SVIL: variants seen among roughly 807,000 people sequenced by gnomAD.
SVIL encodes archvillin.
A neutral mutation model predicts 240.4 loss-of-function variants in SVIL; 101 were observed. The observed-to-expected ratio is 0.42, with a 90% CI of 0.36 to 0.50. SVIL has a LOEUF of 0.50. SVIL is among the 20% of genes least tolerant of loss of function. The pLI, the probability that SVIL is intolerant of heterozygous loss-of-function variation, is 0.01. For synonymous variants in SVIL, 999 were observed against 1,100.0 expected (o/e 0.91, Z 1.82); for missense variants, 2,512 against 2,818.7 (o/e 0.89, Z 2.46).
intron 1 of SVIL, among the ~76,000 whole-genome samples, chr10:29,631,290 C>G (rs141613435): frequency 2.0e-5 from 3 of 152,216 alleles, no homozygotes; most frequent in African/African-American, 7.2e-5. Flanking sequence ...CTAGACCAGA[C>G]GGAGGAGAAA....
intron 1 of SVIL, among the ~76,000 whole-genome samples, chr10:29,606,164 G>A (rs978192505): frequency 3.9e-5 from 6 of 152,164 alleles, no homozygotes; most frequent in African/African-American, 1.4e-4. Flanking sequence ...ACCTGCCTTG[G>A]CCCCTAAGTG....
intron 1 of SVIL, among the ~76,000 whole-genome samples, chr10:29,580,735 C>T (rs567530361): frequency 9.9e-4 from 150 of 152,200 alleles, no homozygotes; most frequent in African/African-American, 2.8e-3. Context: ...GGTACAAACA[C>T]GGCTCATTGC....
intron 1 of SVIL, among the ~76,000 whole-genome samples, chr10:29,727,412 GA>G (rs1394482560): frequency 6.6e-6 from 1 of 151,628 alleles, no homozygotes. Context: ...TATAAGTGGG[GA>G]CCTCCACACC....
intron 2 of SVIL, among the ~76,000 whole-genome samples, chr10:29,685,411 C>T (rs912945204): frequency 2.6e-5 from 4 of 152,168 alleles, no homozygotes; most frequent in Non-Finnish European, 2.9e-5. Flanking sequence ...TATGGCAGAA[C>T]AATGTATACA....
chr10:29,582,190 T>A (rs1955971894), intron 1 of SVIL, among the ~76,000 whole-genome samples: 1 of 152,242 alleles, frequency 6.6e-6, no homozygotes, highest in African/African-American at 2.4e-5. Context: ...AACTGTTCAC[T>A]TAAACGTGGT....
chr10:29,616,337 TG>T (rs1323929366), intron 1 of SVIL, among the ~76,000 whole-genome samples: 1 of 152,160 alleles, frequency 6.6e-6, no homozygotes, highest in Non-Finnish European at 1.5e-5. Context: ...GCACCCAGCC[TG>T]TATTTCCATT....
chr10:29,563,957 C>T (rs1954741020), intron 2 of SVIL, among the ~76,000 whole-genome samples: 1 of 151,950 alleles, frequency 6.6e-6, no homozygotes, highest in South Asian at 2.1e-4. Flanking sequence ...CCCATGTATC[C>T]CCCAGGTATC....
At position 29,533,407 on chromosome 10, in the gene SVIL, A is replaced by C. The variant is rs780748808; in HGVS notation, c.960T>G (p.Pro320=). The part of the protein sequence containing the change: ...LVKEESARNS[P]ELASESVTQR... The stretch of plus-strand genomic sequence containing the variant: ...GAGTTACGGACTCTGAGGCGAGTTC[A>C]GGGCTGTTTCGAGCACTTTCCTCTT... The change falls in exon 8 of 38, where the codon CCT becomes CCG. Residue 320 remains proline (P), a synonymous_variant. Coordinates refer to ENST00000355867, the MANE Select transcript of SVIL (RefSeq NM_021738.3). The C allele has an allele frequency of 6.2e-7, 1 of 1,614,154 alleles. No individual in the cohort carries two copies. Among genetic ancestry groups the C allele is most frequent in the East Asian group, 2.2e-5 (1 of 44,878 alleles).
At position 29,493,187 on chromosome 10, in the gene SVIL, G is replaced by T. The variant is rs756150572; in HGVS notation, c.4019+27C>A. 2.5e-6 allele frequency: 4 copies of T among 1,605,508 alleles called. No individual in the cohort carries two copies. In the Admixed American group the frequency reaches 6.7e-5, roughly 27 times the overall value. On this transcript the variant is annotated intron_variant, in intron 21 of 37. Coordinates refer to ENST00000355867, the MANE Select transcript of SVIL (RefSeq NM_021738.3). ...GGCGAAGGAAGCCCTTCTCAGTGGA[G>T]GAAAGACGGAGACCCAAATAACTCA...
In SVIL at chr10:29,490,974, C is replaced by T. The variant is rs2132399073; in HGVS notation, c.4065G>A (p.Lys1355=). The T allele has an allele frequency of 3.1e-6, 5 of 1,614,014 alleles. No homozygotes were observed. Among genetic ancestry groups the T allele is most frequent in the East Asian group, 4.5e-5 (2 of 44,876 alleles). Residue 1355 remains lysine, a synonymous_variant, in exon 22 of 38, where the codon AAG becomes AAA. Coordinates refer to ENST00000355867, the MANE Select transcript of SVIL (RefSeq NM_021738.3). Reference sequence around the variant, plus strand: ...GGTTTTTGGAGGCCTGAACCCGGCGCTTGGGCCTAACTGCCCGCTTGTGCT... The same window carrying T: ...GGTTTTTGGAGGCCTGAACCCGGCGTTTGGGCCTAACTGCCCGCTTGTGCT... The part of the protein sequence containing the change: ...VAEHKRAVRP[K]RRVQASKNPL...
chr10:29,467,979 G>A, intron 32 of SVIL, 104 bp from the exon 33 acceptor site: 1 of 1,257,450 alleles, frequency 8.0e-7, no homozygotes, highest in Non-Finnish European at 1.1e-6. Flanking sequence ...GCTTTATTGA[G>A]ATATAATTCA....
At position 29,539,881 on chromosome 10, in the gene SVIL, T is replaced by C. The variant is rs73596044; in HGVS notation, c.828-3812A>G. ...GCCAAATCCCTGCTTCGAGTTGCCT[T>C]GGCCAAAAAATTGAGACTCGCTTTT... On this transcript the variant is annotated intron_variant, in intron 6 of 37. Transcript: ENST00000355867. 4.8e-3 allele frequency among the ~76,000 whole-genome samples: 733 copies of C among 152,276 alleles called. 4 individuals carry two copies. Among genetic ancestry groups the C allele is most frequent in the African/African-American group, 0.016 (677 of 41,560 alleles).
At chr10:29,573,852 T>C (rs1029754232) in intron 1 of SVIL, among the ~76,000 whole-genome samples, 3 of 152,112 alleles carry the variant, frequency 2.0e-5, no homozygotes, top group Non-Finnish European at 4.4e-5. Context: ...CGCGCCACCA[T>C]GCCCAACTAA....
At position 29,467,840 on chromosome 10, in the gene SVIL, T is replaced by C. The variant is rs1392414405; in HGVS notation, c.5879A>G (p.Lys1960Arg). ...TTCATCACACTCGTGTATTGTGACT[T>C]TGCTGCTACTATGCAGTCCTGCTTC... Reference protein sequence around the residue: ...PLEAGLHSSSKVTIHECDEGS... With the variant: ...PLEAGLHSSSRVTIHECDEGS... The change falls in exon 33 of 38, where the codon AAA becomes AGA. Residue 1960 changes from lysine (K) to arginine (R), a missense_variant. Physicochemically the swap from Lys to Arg is conservative, Grantham distance 26. This residue lies in a region of SVIL where 797 missense variants were observed against 925.3 expected (regional missense o/e 0.86). Transcript: ENST00000355867. 2 of 1,614,184 alleles carry C rather than the reference T, an allele frequency of 1.2e-6. No homozygotes were observed. Among genetic ancestry groups the C allele is most frequent in the Non-Finnish European group, 1.7e-6 (2 of 1,180,014 alleles).
intron 1 of SVIL, among the ~76,000 whole-genome samples, chr10:29,617,601 A>G (rs1957475808): frequency 6.6e-6 from 1 of 151,028 alleles, no homozygotes. Context: ...AGAAAGAAAG[A>G]AAAAAAAAGA....
intron 1 of SVIL, among the ~76,000 whole-genome samples, chr10:29,633,733 A>T (rs1958203515): frequency 6.6e-6 from 1 of 151,948 alleles, no homozygotes; most frequent in African/African-American, 2.4e-5. Context: ...GCTGTTTTTC[A>T]GCAGAAACAA....
At chr10:29,466,721 T>A (rs923279374) in intron 33 of SVIL, among the ~76,000 whole-genome samples, 5 of 152,116 alleles carry the variant, frequency 3.3e-5, no homozygotes, top group African/African-American at 1.2e-4. Context: ...AATTATTCAT[T>A]ATAAAGGAAA....
intron 4 of SVIL, 39 bp downstream of exon 4, chr10:29,555,012 C>T (rs997947788): frequency 7.4e-6 from 12 of 1,611,818 alleles, no homozygotes; most frequent in Non-Finnish European, 1.0e-5. Context: ...CTTTGCCAAG[C>T]TCTCTTCTAC....
At chr10:29,613,384 G>T (rs977234702) in intron 1 of SVIL, among the ~76,000 whole-genome samples, 1 of 152,054 alleles carries the variant, frequency 6.6e-6, no homozygotes, top group Non-Finnish European at 1.5e-5. Flanking sequence ...TCAGGCCGGA[G>T]TGCAGTGGCG....
Sources: allele counts gnomAD v4.1 joint callset (sites outside exome capture counted in the v4.1 genomes callset), GRCh38; gene constraint gnomAD v4.1.1; regional missense constraint gnomAD v4.1.1; transcripts MANE v1.5; gene names NCBI Gene and HGNC (gene_info 2026-07-23, HGNC 2026-07-21).